The following CACNA1A variants were observed in gnomAD, a reference collection of about 807,000 sequenced individuals.
CACNA1A encodes the protein voltage-dependent P/Q-type calcium channel subunit alpha-1A.
Under a neutral mutation model 262.4 loss-of-function variants are expected in CACNA1A, and 57 were observed. That is an observed-to-expected ratio of 0.22 (90% CI 0.18 to 0.27). The LOEUF is 0.27. CACNA1A is among the 10% of genes least tolerant of loss of function. The probability of loss-of-function intolerance (pLI) is 1.00; values close to 1 mark genes in which losing one functional copy is unlikely to be tolerated. For missense variants in CACNA1A, 2,526 were observed against 3,562.8 expected, an observed-to-expected ratio of 0.71 and a Z score of 7.41; for synonymous variants, 1,431 against 1,419.3, an observed-to-expected ratio of 1.01 and a Z score of -0.18.
chr19:13,323,591 A>G (rs1370794522), intron 10 of CACNA1A, among the ~76,000 whole-genome samples: 1 of 152,084 alleles, frequency 6.6e-6, no homozygotes, highest in African/African-American at 2.4e-5. Flanking sequence ...CCTCCCGAGT[A>G]GCTGTCTTTG....
At chr19:13,330,586 T>C (rs1336185807) in intron 9 of CACNA1A, among the ~76,000 whole-genome samples, 1 of 127,914 alleles carries the variant, frequency 7.8e-6, no homozygotes, top group African/African-American at 3.1e-5. Flanking sequence ...ATTTTCCTTC[T>C]GGTTTATTTA....
intron 3 of CACNA1A, among the ~76,000 whole-genome samples, chr19:13,385,196 TC>T (rs1315225829): frequency 5.3e-5 from 8 of 151,628 alleles, no homozygotes; most frequent in African/African-American, 1.9e-4. Flanking sequence ...AGCATGTCCA[TC>T]CCCGTAGGGC....
intron 19 of CACNA1A, 108 bp downstream of exon 19, chr19:13,298,436 G>T: frequency 1.8e-6 from 2 of 1,121,724 alleles, no homozygotes; most frequent in South Asian, 1.6e-5. Context: ...GCCAAATACA[G>T]CATTTTATAA....
chr19:13,340,837 C>T (rs185592244), intron 6 of CACNA1A, among the ~76,000 whole-genome samples: 205 of 152,282 alleles, frequency 1.3e-3, no homozygotes, highest in African/African-American at 4.6e-3. Flanking sequence ...GAAATAGGGT[C>T]TTTGCAGATG....
intron 1 of CACNA1A, among the ~76,000 whole-genome samples, chr19:13,465,400 C>T (rs1232408813): frequency 6.6e-6 from 1 of 152,208 alleles, no homozygotes; most frequent in Non-Finnish European, 1.5e-5. Context: ...AAAAAATCTT[C>T]ATTGGACATT....
intron 3 of CACNA1A, among the ~76,000 whole-genome samples, chr19:13,405,559 G>A (rs1353003322): frequency 6.6e-6 from 1 of 152,052 alleles, no homozygotes; most frequent in South Asian, 2.1e-4. Flanking sequence ...TATTTCTTGA[G>A]CGCTTACAAG....
chr19:13,257,470 G>A lies in CACNA1A; in HGVS notation c.4470C>T (p.Tyr1490=), dbSNP rs1353710115. The A allele has an allele frequency of 8.1e-6, 13 of 1,613,192 alleles. No homozygotes were observed. The highest frequency in any genetic ancestry group is 3.3e-5 in the Admixed American group (2 of 59,876). ...PGYRMEMSIF[Y]VVYFVVFPFF... ...AGGGGAACACCACAAAGTAGACGACGTAGAAAATGGACATCTCCATGCGGT... is the reference window on the plus strand; with the variant it reads ...AGGGGAACACCACAAAGTAGACGACATAGAAAATGGACATCTCCATGCGGT... The change falls in exon 28 of 47, where the codon TAC becomes TAT. Residue 1490 remains tyrosine (Y), a synonymous_variant. Transcript: ENST00000360228.
intron 3 of CACNA1A, among the ~76,000 whole-genome samples, chr19:13,440,374 T>C (rs2060695648): frequency 1.3e-5 from 2 of 152,160 alleles, no homozygotes; most frequent in South Asian, 2.1e-4. Context: ...CAGTACTTTA[T>C]AGAAAGGGGA....
intron 3 of CACNA1A, among the ~76,000 whole-genome samples, chr19:13,423,505 C>A (rs1168143286): frequency 2.4e-4 from 36 of 151,922 alleles, no homozygotes; most frequent in Admixed American, 2.4e-3. Context: ...ATTTTCTTTT[C>A]TTTTCTTTTC....
At chr19:13,459,459 G>A (rs1023913904) in intron 1 of CACNA1A, among the ~76,000 whole-genome samples, 4 of 152,180 alleles carry the variant, frequency 2.6e-5, no homozygotes, top group African/African-American at 9.7e-5. Flanking sequence ...CCGAGACTCA[G>A]GGCAATTTGG....
At chr19:13,292,152 C>T (rs1360878084) in intron 19 of CACNA1A, among the ~76,000 whole-genome samples, 1 of 152,112 alleles carries the variant, frequency 6.6e-6, no homozygotes, top group Non-Finnish European at 1.5e-5. Context: ...TCATTTTGTC[C>T]ACCCTGCAGG....
intron 1 of CACNA1A, among the ~76,000 whole-genome samples, chr19:13,466,139 A>C (rs1305155299): frequency 1.3e-5 from 2 of 152,080 alleles, no homozygotes; most frequent in Non-Finnish European, 2.9e-5. Context: ...AGAGCCGTTC[A>C]CTTTAAAATG....
chr19:13,395,611 CA>C (rs1301255413), intron 3 of CACNA1A, among the ~76,000 whole-genome samples: 3 of 119,078 alleles, frequency 2.5e-5, no homozygotes, highest in Non-Finnish European at 4.9e-5. Flanking sequence ...GACTCTGTCT[CA>C]AAAAAAAGAA....
chr19:13,220,452 T>G (rs989452715), intron 38 of CACNA1A, among the ~76,000 whole-genome samples: 3 of 152,046 alleles, frequency 2.0e-5, no homozygotes, highest in African/African-American at 7.2e-5. Context: ...AAAAAGCCAG[T>G]GATAAAACAA....
At chr19:13,480,312 G>T (rs1307406547) in intron 1 of CACNA1A, among the ~76,000 whole-genome samples, 1 of 152,104 alleles carries the variant, frequency 6.6e-6, no homozygotes, top group Non-Finnish European at 1.5e-5. Flanking sequence ...TGAGGATGAA[G>T]ACCTTTATAA....
At chr19:13,320,730 A>G (rs550362551) in intron 10 of CACNA1A, among the ~76,000 whole-genome samples, 35 of 152,030 alleles carry the variant, frequency 2.3e-4, no homozygotes, top group African/African-American at 8.0e-4. Flanking sequence ...CCCTTTTTCT[A>G]TACATTCCTG....
intron 3 of CACNA1A, among the ~76,000 whole-genome samples, chr19:13,405,101 G>A (rs1292743750): frequency 6.6e-6 from 1 of 151,984 alleles, no homozygotes; most frequent in African/African-American, 2.4e-5. Flanking sequence ...TCACCATGTT[G>A]GCCAGGCTGG....
At chr19:13,379,570 G>A (rs2059479807) in intron 3 of CACNA1A, among the ~76,000 whole-genome samples, 1 of 152,100 alleles carries the variant, frequency 6.6e-6, no homozygotes. Flanking sequence ...AGGGAGTGGT[G>A]ACATTTCTAT....
chr19:13,482,845 A>C (rs1476687672), intron 1 of CACNA1A, among the ~76,000 whole-genome samples: 1 of 92,228 alleles, frequency 1.1e-5, no homozygotes, highest in Non-Finnish European at 2.4e-5. Flanking sequence ...TCTTTCTCTC[A>C]ACTTGTGTGT....
Sources: allele counts gnomAD v4.1 joint callset (sites outside exome capture counted in the v4.1 genomes callset), GRCh38; gene constraint gnomAD v4.1.1; transcripts MANE v1.5; gene names NCBI Gene and HGNC (gene_info 2026-07-23, HGNC 2026-07-21).